Variants in DCTN1 observed in about 807,000 individuals in gnomAD.
DCTN1 encodes 150 kDa dynein-associated polypeptide.
DCTN1 carries 61 observed loss-of-function variants against 161.2 expected under a neutral mutation model. The ratio of observed to expected loss-of-function variants is 0.38; its 90% CI spans 0.31 to 0.47. The LOEUF is 0.47. Among genes scored for constraint, DCTN1 ranks in the 20% least tolerant of loss-of-function variants. The pLI, the probability that DCTN1 is intolerant of heterozygous loss-of-function variation, is 0.99. For synonymous variants in DCTN1, 653 were observed against 632.4 expected (o/e 1.03, Z -0.49); for missense variants, 1,404 against 1,623.7 (o/e 0.86, Z 2.33).
Position 74,370,355 on chromosome 2 carries a change from T to C in DCTN1, c.1128-10A>G, listed in dbSNP as rs772494035. On this transcript the variant is annotated splice_polypyrimidine_tract_variant and intron_variant, in intron 11 of 31. Transcript: ENST00000628224. This position sits in a 1 kb window ranked among gnomAD's most constrained non-coding sequence, Gnocchi z 4.4. ...AGAAAGATCCCGCATCCTGCAGGGATGTGAGGAAGGCAGAAGGAGGAAAGC... is the reference window on the plus strand; with the variant it reads ...AGAAAGATCCCGCATCCTGCAGGGACGTGAGGAAGGCAGAAGGAGGAAAGC... 9 of 1,613,996 alleles carry C rather than the reference T, an allele frequency of 5.6e-6. No homozygotes were observed. Among genetic ancestry groups the C allele is most frequent in the Non-Finnish European group, 7.6e-6 (9 of 1,180,022 alleles).
In DCTN1 at chr2:74,361,605, T is replaced by G. The variant is rs752422008; in HGVS notation, c.3731A>C (p.Tyr1244Ser). The G allele has an allele frequency of 6.2e-7, 1 of 1,614,028 alleles. No individual in the cohort carries two copies. Among genetic ancestry groups the G allele is most frequent in the Non-Finnish European group, 8.5e-7 (1 of 1,180,030 alleles). Reference protein sequence around the residue: ...AKEEQQDDTVYMGKVTFSCAA... With the variant: ...AKEEQQDDTVSMGKVTFSCAA... ...ACATGAGAAGGTCACTTTGCCCATG[T>G]AGACTGTGTCATCCTGCTGCTCCTC... is the stretch of plus-strand genomic sequence containing the variant. The change falls in exon 32 of 32, where the codon TAC (tyrosine) becomes TCC (serine). Residue 1244 changes from tyrosine (Y) to serine (S), a missense_variant. Around this residue, in one of 9 missense-constraint regions of DCTN1, gnomAD observed 311 missense variants for 298.9 expected, o/e 1.04. Coordinates refer to ENST00000628224, the MANE Select transcript of DCTN1 (RefSeq NM_004082.5).
At position 74,370,616 on chromosome 2, in the gene DCTN1, C is replaced by G; in HGVS notation, c.1048+5G>C. 1 of 1,614,150 alleles carries G rather than the reference C, an allele frequency of 6.2e-7. No individual in the cohort carries two copies. The highest frequency in any genetic ancestry group is 1.1e-5 in the South Asian group (1 of 91,072). ...TTTGGCCCCCAGCAGCTGTGGGCCCCTTACCCTTCTCTTCAATCTCAGCCT... is the reference window on the plus strand; with the variant it reads ...TTTGGCCCCCAGCAGCTGTGGGCCCGTTACCCTTCTCTTCAATCTCAGCCT... On this transcript the variant is annotated splice_donor_5th_base_variant and intron_variant, in intron 10 of 31. Transcript: ENST00000628224. The surrounding 1 kb of genome is among the most constrained non-coding windows in gnomAD (Gnocchi z 4.4).
chr2:74,380,232 G>A lies in DCTN1; in HGVS notation c.-195C>T. On this transcript the variant is annotated 5_prime_UTR_variant, in exon 1 of 32. Transcript: ENST00000628224. ...GGTGGGGGCAGTGATGGGGGCTGAG[G>A]AGCAAGTCCCCTCTGCTGCCTGAGG... The A allele has an allele frequency of 1.5e-6, 1 of 661,588 alleles. No individual in the cohort carries two copies. The highest frequency in any genetic ancestry group is 1.6e-5 in the South Asian group (1 of 61,174). The allele number at this position is 661,588 out of a possible 1,614,324, so 41.0% of individuals were successfully genotyped here.
chr2:74,363,651 G>T lies in DCTN1; in HGVS notation c.3197-23C>A, dbSNP rs752196778. 3 of 1,613,282 alleles carry T rather than the reference G, an allele frequency of 1.9e-6. No individual in the cohort carries two copies. The African/African-American group carries it at 4.0e-5, about 22-fold the overall frequency. ...CTTCTGTGCTCGGGATAGCCCATGGGGGAGCAGGAAAAGAGGAGAGAGGAG... is the reference window on the plus strand; with the variant it reads ...CTTCTGTGCTCGGGATAGCCCATGGTGGAGCAGGAAAAGAGGAGAGAGGAG... On this transcript the variant is annotated intron_variant, in intron 26 of 31. Coordinates refer to ENST00000628224, the MANE Select transcript of DCTN1 (RefSeq NM_004082.5).
In DCTN1 at chr2:74,370,249, C is replaced by T. The variant is rs774739553; in HGVS notation, c.1224G>A (p.Gln408=). 1.2e-6 allele frequency: 2 copies of T among 1,614,070 alleles called. No homozygotes were observed. Among genetic ancestry groups the T allele is most frequent in the Non-Finnish European group, 1.7e-6 (2 of 1,180,042 alleles). The change falls in exon 12 of 32, where the codon CAG becomes CAA. Residue 408 remains glutamine, a synonymous_variant. Coordinates refer to ENST00000628224, the MANE Select transcript of DCTN1 (RefSeq NM_004082.5). This position sits in a 1 kb window ranked among gnomAD's most constrained non-coding sequence, Gnocchi z 4.4. ...KNQELEVVRQ[Q]RERLQEELSQ... is the part of the protein sequence containing the mutation. ...TTAGCTCCTCCTGCAGACGCTCCCG[C>T]TGTTGCCTCACAACTTCCAGCTCTT... is the stretch of plus-strand genomic sequence containing the variant.
intron 1 of DCTN1, 118 bp from the exon 2 acceptor site, chr2:74,378,363 T>C (rs1675346810): frequency 1.5e-6 from 2 of 1,338,748 alleles, no homozygotes; most frequent in Non-Finnish European, 2.1e-6. Context: ...GTCATTTTCT[T>C]AAACCCCATT....
At chr2:74,371,934 A>G in intron 7 of DCTN1, 1 of 576,586 alleles carries the variant, frequency 1.7e-6, no homozygotes, top group East Asian at 2.9e-5. Context: ...GTGACAAAGG[A>G]CAGGGGGAGG....
chr2:74,370,862 C>T lies in DCTN1; in HGVS notation c.844-37G>A. On this transcript the variant is annotated intron_variant, in intron 9 of 31. Coordinates refer to ENST00000628224, the MANE Select transcript of DCTN1 (RefSeq NM_004082.5). This position sits in a 1 kb window ranked among gnomAD's most constrained non-coding sequence, Gnocchi z 4.4. ...GTGGAGGTGGGAGGGGGTACCAGCA[C>T]AGAGATGCCCCAGGCCTTTCTCACA... 2 of 1,613,724 alleles carry T rather than the reference C, an allele frequency of 1.2e-6. No homozygotes were observed. The highest frequency in any genetic ancestry group is 2.2e-5 in the South Asian group (2 of 91,068).
intron 5 of DCTN1, among the ~76,000 whole-genome samples, chr2:74,375,887 A>G (rs1675193015): frequency 6.6e-6 from 1 of 152,154 alleles, no homozygotes; most frequent in South Asian, 2.1e-4. Context: ...GCCCCAATCC[A>G]GCAGCTCTCC....
At chr2:74,386,457 T>C (rs1259122964) in intron 1 of DCTN1, 2 of 152,232 alleles carry the variant, frequency 1.3e-5, no homozygotes, top group East Asian at 3.8e-4. Context: ...AAGCACTCAA[T>C]AAATGTCAGC....
Position 74,369,401 on chromosome 2 carries a change from G to T in DCTN1, c.1483C>A (p.Arg495=). Reference sequence around the variant, plus strand: ...ACACGCTTCTGGGCCTCACGAACCCGCGCGCCTGCCATGTCCAGCTGCTCC... The same window carrying T: ...ACACGCTTCTGGGCCTCACGAACCCTCGCGCCTGCCATGTCCAGCTGCTCC... The part of the protein sequence containing the change: ...LREQLDMAGA[R]VREAQKRVEA... Residue 495 remains arginine, a synonymous_variant, in exon 14 of 32, where the codon CGG becomes AGG. Transcript: ENST00000628224. This position sits in a 1 kb window ranked among gnomAD's most constrained non-coding sequence, Gnocchi z 4.9. The T allele has an allele frequency of 6.2e-7, 1 of 1,614,160 alleles. No individual in the cohort carries two copies. The highest frequency in any genetic ancestry group is 8.5e-7 in the Non-Finnish European group (1 of 1,180,024).
exon 1 of DCTN1, chr2:74,391,840 C>G (rs763448858): frequency 6.6e-6 from 3 of 453,940 alleles, no homozygotes; most frequent in Non-Finnish European, 1.3e-5. Flanking sequence ...CACCGACGAC[C>G]GACGCCCAAG....
Position 74,367,737 on chromosome 2 carries a change from C to G in DCTN1, c.2143G>C (p.Val715Leu). ...LLHKDQLDET[V>L]NVEPLTKAIK... ...GCCTTGGTGAGAGGCTCCACATTGA[C>G]AGTCTCATCCAGCTGATCCTTGTGC... The change falls in exon 18 of 32, where the codon GTC becomes CTC. Residue 715 changes from valine (V) to leucine (L), a missense_variant. Physicochemically the swap from Val to Leu is conservative, Grantham distance 32. Around this residue, in one of 9 missense-constraint regions of DCTN1, gnomAD observed 475 missense variants for 489.8 expected, o/e 0.97. Coordinates refer to ENST00000628224, the MANE Select transcript of DCTN1 (RefSeq NM_004082.5). 1 of 1,614,206 alleles carries G rather than the reference C, an allele frequency of 6.2e-7. No homozygotes were observed. The highest frequency in any genetic ancestry group is 8.5e-7 in the Non-Finnish European group (1 of 1,180,036).
Position 74,370,410 on chromosome 2 carries a change from C to G in DCTN1, c.1127+56G>C. The G allele has an allele frequency of 6.2e-7, 1 of 1,614,020 alleles. No homozygotes were observed. ...GTCAGAGTCTCTGGCGATGGGTGCTCTAACACATTTGGAGACACAAGAGTA... is the reference window on the plus strand; with the variant it reads ...GTCAGAGTCTCTGGCGATGGGTGCTGTAACACATTTGGAGACACAAGAGTA... On this transcript the variant is annotated intron_variant, in intron 11 of 31. Coordinates refer to ENST00000628224, the MANE Select transcript of DCTN1 (RefSeq NM_004082.5). The surrounding 1 kb of genome is among the most constrained non-coding windows in gnomAD (Gnocchi z 4.4).
At chr2:74,385,853 GA>G (rs903734827) in intron 1 of DCTN1, 5 of 152,130 alleles carry the variant, frequency 3.3e-5, no homozygotes, top group Non-Finnish European at 5.9e-5. Flanking sequence ...CACAAACTGA[GA>G]AAACACATAA....
At chr2:74,390,464 T>C (rs1006791762) in intron 1 of DCTN1, 57 of 227,432 alleles carry the variant, frequency 2.5e-4, no homozygotes, top group African/African-American at 1.2e-3. Context: ...AGCTGCAAAA[T>C]TTGCCAAATT....
At position 74,363,350 on chromosome 2, in the gene DCTN1, T is replaced by G; in HGVS notation, c.3289A>C (p.Ile1097Leu). Residue 1097 changes from isoleucine to leucine, a missense_variant, in exon 28 of 32, where the codon ATC becomes CTC. Physicochemically the swap from Ile to Leu is conservative, Grantham distance 5. This residue lies in a region of DCTN1 where 311 missense variants were observed against 298.9 expected (regional missense o/e 1.04). Transcript: ENST00000628224. ...GAGATGTGCAGCCTCATGGCAGAGA[T>G]CTGCTGAAGCAGCAGTGGTGAGTCC... ...VKDSPLLLQQ[I>L]SAMRLHISQL... 1 of 1,613,064 alleles carries G rather than the reference T, an allele frequency of 6.2e-7. No homozygotes were observed. Among genetic ancestry groups the G allele is most frequent in the Non-Finnish European group, 8.5e-7 (1 of 1,179,614 alleles).
chr2:74,383,090 A>AT (rs1291538594), upstream of DCTN1, among the ~76,000 whole-genome samples: 52 of 150,348 alleles, frequency 3.5e-4, 2 homozygotes, highest in African/African-American at 1.3e-3. Flanking sequence ...TCAAAAAAAA[A>AT]AAAATAAATA....
chr2:74,388,399 C>T (rs1372798525), intron 1 of DCTN1, among the ~76,000 whole-genome samples: 1 of 152,166 alleles, frequency 6.6e-6, no homozygotes. Flanking sequence ...CAAAATAAAA[C>T]AACATGGCTT....
Sources: gnomAD v4.1 joint callset for allele counts (sites outside exome capture counted in the v4.1 genomes callset) on GRCh38, gnomAD v4.1.1 for gene constraint, gnomAD v4.1.1 regional missense constraint, Gnocchi (gnomAD v3.1) non-coding constraint, MANE v1.5 for transcripts, NCBI Gene and HGNC (gene_info 2026-07-23, HGNC 2026-07-21) for gene names.